ADARB2: variants seen among roughly 807,000 people sequenced by gnomAD.
ADARB2 encodes the protein adenosine deaminase RNA specific B2 (inactive).
ADARB2 carries 25 observed loss-of-function variants against 62.2 expected under a neutral mutation model. The observed-to-expected ratio is 0.40, with a 90% CI of 0.29 to 0.56. ADARB2 has a LOEUF of 0.56. Ranked by LOEUF, ADARB2 falls within the 20% of genes least tolerant of loss-of-function variation. ADARB2 has a pLI of 0.43. For missense variants in ADARB2, 1,071 were observed against 1,077.4 expected (o/e 0.99, Z 0.08); for synonymous variants, 572 against 500.8 (o/e 1.14, Z -1.90).
chr10:1,384,158 T>A (rs913243248), intron 1 of ADARB2, among the ~76,000 whole-genome samples: 1 of 152,236 alleles, frequency 6.6e-6, no homozygotes, highest in African/African-American at 2.4e-5. Flanking sequence ...ATAAACAAGT[T>A]ACTGGGGTTG....
rs574295723 is a variant in ADARB2 at position 1,358,924 on chromosome 10, GT to G, written c.1077+4103del. On this transcript the variant is annotated intron_variant, in intron 3 of 9. Coordinates refer to ENST00000381312, the MANE Select transcript of ADARB2 (RefSeq NM_018702.4). ...TTTATTTATTTTTACTGGCATTATA[GT>G]TTACTTTATTCTCCTTTCTAAATAG... 2.7e-3 allele frequency among the ~76,000 whole-genome samples: 405 copies of G among 152,272 alleles called. 4 individuals carry two copies. The highest frequency in any genetic ancestry group is 9.1e-3 in the African/African-American group (379 of 41,546).
intron 1 of ADARB2, among the ~76,000 whole-genome samples, chr10:1,600,451 A>C (rs1174330428): frequency 2.0e-5 from 3 of 152,188 alleles, no homozygotes; most frequent in Non-Finnish European, 2.9e-5. Flanking sequence ...ATCTGAGGTC[A>C]GGAGTTTGAG....
intron 1 of ADARB2, among the ~76,000 whole-genome samples, chr10:1,381,027 T>C (rs1832477923): frequency 6.6e-6 from 1 of 152,256 alleles, no homozygotes; most frequent in Non-Finnish European, 1.5e-5. Flanking sequence ...TCCATCAAAG[T>C]TGTTACTTTC....
chr10:1,208,962 G>T (rs1292767253), intron 7 of ADARB2, among the ~76,000 whole-genome samples: 1 of 152,188 alleles, frequency 6.6e-6, no homozygotes, highest in Non-Finnish European at 1.5e-5. Flanking sequence ...CAGGTGGGGT[G>T]GGGGTTCTGC....
At chr10:1,213,292 GAGAC>G (rs1837185470) in intron 7 of ADARB2, among the ~76,000 whole-genome samples, 1 of 152,132 alleles carries the variant, frequency 6.6e-6, no homozygotes, top group Non-Finnish European at 1.5e-5. Context: ...GAGATACAGA[GAGAC>G]AGAGGGAGAG....
At chr10:1,325,398 G>C (rs2131829406) in intron 3 of ADARB2, among the ~76,000 whole-genome samples, 1 of 152,264 alleles carries the variant, frequency 6.6e-6, no homozygotes, top group East Asian at 1.9e-4. Context: ...GCTGTTTGGG[G>C]CGAGGGTTCA....
chr10:1,727,885 T>C (rs1302711704), intron 1 of ADARB2, among the ~76,000 whole-genome samples: 1 of 152,158 alleles, frequency 6.6e-6, no homozygotes, highest in Non-Finnish European at 1.5e-5. Flanking sequence ...TACACATGAA[T>C]AAATAAATAA....
chr10:1,458,566 C>T (rs565521805), intron 1 of ADARB2, among the ~76,000 whole-genome samples: 27 of 152,304 alleles, frequency 1.8e-4, no homozygotes, highest in Middle Eastern at 3.4e-3. Flanking sequence ...AGAGGGAGGC[C>T]CCGCAGACCC....
intron 7 of ADARB2, among the ~76,000 whole-genome samples, chr10:1,207,385 T>C (rs1837082909): frequency 6.6e-6 from 1 of 152,198 alleles, no homozygotes; most frequent in South Asian, 2.1e-4. Context: ...AGTAAAAATA[T>C]TTTTAAACCA....
intron 1 of ADARB2, among the ~76,000 whole-genome samples, chr10:1,553,533 T>C (rs1832658912): frequency 1.3e-5 from 2 of 152,180 alleles, no homozygotes; most frequent in South Asian, 2.1e-4. Context: ...GGATGCAGTT[T>C]GCGCCGTCGA....
At chr10:1,474,155 G>A (rs554804301) in intron 1 of ADARB2, among the ~76,000 whole-genome samples, 10 of 152,236 alleles carry the variant, frequency 6.6e-5, no homozygotes, top group African/African-American at 1.7e-4. Flanking sequence ...CATGGCCTTC[G>A]CGTGTATCTC....
chr10:1,186,979 C>T (rs1351337565), intron 8 of ADARB2, among the ~76,000 whole-genome samples: 1 of 152,238 alleles, frequency 6.6e-6, no homozygotes, highest in African/African-American at 2.4e-5. Context: ...GCCACAGACC[C>T]CAGATCCTCT....
intron 1 of ADARB2, among the ~76,000 whole-genome samples, chr10:1,725,283 G>A (rs1018116345): frequency 6.6e-6 from 1 of 152,178 alleles, no homozygotes; most frequent in African/African-American, 2.4e-5. Flanking sequence ...GAACCGGAGT[G>A]GTCTCGCGAT....
At chr10:1,355,352 G>A (rs1448940231) in intron 3 of ADARB2, among the ~76,000 whole-genome samples, 1 of 152,212 alleles carries the variant, frequency 6.6e-6, no homozygotes. Context: ...CACAGAAGCT[G>A]AGCTCTGCTG....
intron 1 of ADARB2, among the ~76,000 whole-genome samples, chr10:1,644,207 G>T (rs899486043): frequency 1.3e-5 from 2 of 152,204 alleles, no homozygotes; most frequent in African/African-American, 4.8e-5. Flanking sequence ...CAGGGCTTTT[G>T]TATTTTCTTC....
chr10:1,689,336 C>T (rs1260935971), intron 1 of ADARB2, among the ~76,000 whole-genome samples: 1 of 152,252 alleles, frequency 6.6e-6, no homozygotes, highest in East Asian at 1.9e-4. Flanking sequence ...GGCTACGTGC[C>T]CTGGACCATG....
At position 1,180,778 on chromosome 10, in the gene ADARB2, A is replaced by C. The variant is rs1415020493; in HGVS notation, c.*2415T>G. ...TTCTGTCGCTATCGGCCTTCTCTGA[A>C]GAGCTTTAATCTCTCCTTCCATGGA... On this transcript the variant is annotated 3_prime_UTR_variant, in exon 10 of 10. Transcript: ENST00000381312. 4 of 152,272 alleles carry C rather than the reference A, an allele frequency of 2.6e-5. No individual in the cohort carries two copies. Among genetic ancestry groups the C allele is most frequent in the African/African-American group, 9.6e-5 (4 of 41,456 alleles). 9.4% of individuals were successfully genotyped at this position (152,272 alleles called of 1,614,324 possible). A position where few individuals can be genotyped will look rare whatever the true frequency, so the allele number is the denominator to read the frequency against.
intron 1 of ADARB2, among the ~76,000 whole-genome samples, chr10:1,489,431 A>C (rs1443978327): frequency 6.6e-6 from 1 of 152,246 alleles, no homozygotes; most frequent in Non-Finnish European, 1.5e-5. Context: ...GTCTGGTCAC[A>C]GTTCTCAGTA....
chr10:1,297,312 T>C (rs1385312082), intron 3 of ADARB2, among the ~76,000 whole-genome samples: 1 of 152,216 alleles, frequency 6.6e-6, no homozygotes, highest in Non-Finnish European at 1.5e-5. Context: ...GCAGGTGTTA[T>C]GTTTCTTCAC....
Sources: gnomAD v4.1 joint callset for allele counts (sites outside exome capture counted in the v4.1 genomes callset) on GRCh38, gnomAD v4.1.1 for gene constraint, MANE v1.5 for transcripts, NCBI Gene and HGNC (gene_info 2026-07-23, HGNC 2026-07-21) for gene names.